UBAP1: variants seen among roughly 807,000 people sequenced by gnomAD.
UBAP1 encodes ubiquitin associated protein 1.
A neutral mutation model predicts 39.0 loss-of-function variants in UBAP1; 5 were observed. That is an observed-to-expected ratio of 0.13 (90% confidence interval 0.07 to 0.27). The LOEUF is 0.27. Ranked by LOEUF, UBAP1 falls within the 10% of genes least tolerant of loss-of-function variation. The probability of loss-of-function intolerance (pLI) is 1.00; values close to 1 mark genes in which losing one functional copy is unlikely to be tolerated. For synonymous variants in UBAP1, 211 were observed against 225.1 expected (o/e 0.94, Z 0.56); for missense variants, 490 against 608.1 (o/e 0.81, Z 2.04).
chr9:34,186,518 C>T (rs933179575), intron 1 of UBAP1, among the ~76,000 whole-genome samples: 3 of 152,116 alleles, frequency 2.0e-5, no homozygotes, highest in Non-Finnish European at 4.4e-5. Flanking sequence ...TTCACTTCCT[C>T]CTCAACACTT....
At chr9:34,234,469 A>G (rs1412400953) in intron 3 of UBAP1, 129 bp downstream of exon 3, 8 of 1,027,948 alleles carry the variant, frequency 7.8e-6, no homozygotes, top group African/African-American at 4.9e-5. Context: ...TGGACCACAT[A>G]TACAATGGTG....
chr9:34,187,482 G>A (rs908779053), intron 1 of UBAP1, among the ~76,000 whole-genome samples: 1 of 152,230 alleles, frequency 6.6e-6, no homozygotes, highest in African/African-American at 2.4e-5. Flanking sequence ...ATTTGTGAAT[G>A]AGATGTGCAT....
chr9:34,247,199 G>A (rs1296495561), intron 4 of UBAP1, among the ~76,000 whole-genome samples: 1 of 152,054 alleles, frequency 6.6e-6, no homozygotes. Flanking sequence ...TTCAAACCTT[G>A]TCTGTCCGTT....
At chr9:34,238,632 T>G (rs957148412) in intron 3 of UBAP1, among the ~76,000 whole-genome samples, 4 of 152,192 alleles carry the variant, frequency 2.6e-5, no homozygotes, top group Non-Finnish European at 5.9e-5. Context: ...TTAAGTATCT[T>G]TAATACTGAA....
chr9:34,203,664 A>C (rs980359509), intron 1 of UBAP1, among the ~76,000 whole-genome samples: 4 of 152,250 alleles, frequency 2.6e-5, no homozygotes, highest in South Asian at 2.1e-4. Context: ...TAAATATTTA[A>C]TAGAACTTTA....
intron 1 of UBAP1, among the ~76,000 whole-genome samples, chr9:34,209,119 G>T (rs1831880233): frequency 6.6e-6 from 1 of 151,962 alleles, no homozygotes; most frequent in South Asian, 2.1e-4. Context: ...TGTATTTTTA[G>T]TAGAGATGGA....
chr9:34,216,052 A>G (rs939381735), intron 1 of UBAP1, among the ~76,000 whole-genome samples: 2 of 152,048 alleles, frequency 1.3e-5, no homozygotes, highest in Admixed American at 6.6e-5. Context: ...TTCATTTACT[A>G]TTCCTTGTGG....
chr9:34,216,140 CCCTCT>C (rs2131565134), intron 1 of UBAP1, among the ~76,000 whole-genome samples: 1 of 136,740 alleles, frequency 7.3e-6, no homozygotes, highest in African/African-American at 2.6e-5. Context: ...GTCTTTCTGG[CCCTCT>C]CCTCTGGAGC....
intron 1 of UBAP1, among the ~76,000 whole-genome samples, chr9:34,195,139 GTTT>G (rs1178929604): frequency 2.1e-5 from 3 of 143,896 alleles, no homozygotes; most frequent in Non-Finnish European, 4.6e-5. Context: ...ATTCAGGTAA[GTTT>G]TTTTTTTTTT....
chr9:34,184,358 G>A (rs1332407833), intron 1 of UBAP1, among the ~76,000 whole-genome samples: 3 of 150,972 alleles, frequency 2.0e-5, no homozygotes, highest in Non-Finnish European at 4.4e-5. Context: ...TGGGCCGGGC[G>A]CGGTGGCTCA....
intron 2 of UBAP1, among the ~76,000 whole-genome samples, chr9:34,233,931 A>G (rs905646614): frequency 6.6e-6 from 1 of 152,204 alleles, no homozygotes; most frequent in African/African-American, 2.4e-5. Flanking sequence ...ACAGTGAGCC[A>G]GAGGATGACT....
At chr9:34,182,637 T>C (rs1293458471) in intron 1 of UBAP1, among the ~76,000 whole-genome samples, 1 of 62,084 alleles carries the variant, frequency 1.6e-5, no homozygotes, top group African/African-American at 4.0e-5. Context: ...CTTTCTTTCT[T>C]TCTTTCTTTC....
Position 34,251,689 on chromosome 9 carries a change from C to T in UBAP1, c.*157C>T. 1.2e-6 allele frequency: 1 copy of T among 810,288 alleles called. No individual in the cohort carries two copies. Among genetic ancestry groups the T allele is most frequent in the East Asian group, 2.7e-5 (1 of 37,202 alleles). The allele number at this position is 810,288 out of a possible 1,614,324, so 50.2% of individuals were successfully genotyped here. On this transcript the variant is annotated 3_prime_UTR_variant, in exon 7 of 7. Coordinates refer to ENST00000297661, the MANE Select transcript of UBAP1 (RefSeq NM_016525.5). ...GCTCGCCAGTCTCTGTGAGCCTAGG[C>T]CCTGAGCTGGGGAGGTGGGGAAGAT...
At chr9:34,243,929 A>T (rs750394472) in intron 4 of UBAP1, among the ~76,000 whole-genome samples, 1 of 152,152 alleles carries the variant, frequency 6.6e-6, no homozygotes, top group Non-Finnish European at 1.5e-5. Context: ...GGCTCACTGC[A>T]ACCTCTGCCT....
intron 1 of UBAP1, among the ~76,000 whole-genome samples, chr9:34,199,143 G>A (rs1224587774): frequency 6.6e-6 from 1 of 151,958 alleles, no homozygotes; most frequent in Admixed American, 6.6e-5. Flanking sequence ...ATGCGATTTC[G>A]GCTCACTGCA....
Position 34,184,723 on chromosome 9 carries a change from A to G in UBAP1, c.-8+5483A>G, listed in dbSNP as rs540466641. ...CTGTAACCTCCACCTCCCAGGTTCAAGAGATTCTCCTGCCTCAGCCTCCTG... is the reference window on the plus strand; with the variant it reads ...CTGTAACCTCCACCTCCCAGGTTCAGGAGATTCTCCTGCCTCAGCCTCCTG... On this transcript the variant is annotated intron_variant, in intron 1 of 6. Coordinates refer to ENST00000297661, the MANE Select transcript of UBAP1 (RefSeq NM_016525.5). Among the ~76,000 whole-genome samples the G allele has an allele frequency of 4.0e-5, 6 of 150,176 alleles. No homozygotes were observed. The South Asian group carries it at 1.3e-3, about 32-fold the overall frequency.
chr9:34,197,463 TTGTC>T (rs1232431404), intron 1 of UBAP1, among the ~76,000 whole-genome samples: 1 of 152,136 alleles, frequency 6.6e-6, no homozygotes, highest in Non-Finnish European at 1.5e-5. Context: ...TCTGAATTCT[TTGTC>T]AGTCAGTTCT....
At chr9:34,196,359 A>G (rs1831054696) in intron 1 of UBAP1, among the ~76,000 whole-genome samples, 1 of 150,052 alleles carries the variant, frequency 6.7e-6, no homozygotes. Flanking sequence ...CTTATTGCCC[A>G]GGCTGGAGTG....
At chr9:34,240,818 T>C (rs1035050996) in intron 3 of UBAP1, among the ~76,000 whole-genome samples, 2 of 152,096 alleles carry the variant, frequency 1.3e-5, no homozygotes, top group African/African-American at 2.4e-5. Flanking sequence ...ATTGAGAAAA[T>C]CTAGAGAGTT....
Sources: allele counts gnomAD v4.1 joint callset (sites outside exome capture counted in the v4.1 genomes callset), GRCh38; gene constraint gnomAD v4.1.1; transcripts MANE v1.5; gene names NCBI Gene and HGNC (gene_info 2026-07-23, HGNC 2026-07-21).